MBP: variants seen among roughly 807,000 people sequenced by gnomAD.
The protein encoded by MBP is myelin basic protein.
In MBP, 16 loss-of-function variants were observed where a neutral mutation model predicts 35.8. The observed-to-expected ratio is 0.45, with a 90% confidence interval of 0.30 to 0.68. MBP has a LOEUF of 0.68. MBP is among the 30% of genes least tolerant of loss of function. MBP has a pLI of 0.08. For missense variants in MBP, 380 were observed against 404.7 expected, an observed-to-expected ratio of 0.94 and a Z score of 0.52; for synonymous variants, 143 against 159.6, an observed-to-expected ratio of 0.90 and a Z score of 0.78.
chr18:77,130,489 AAG>A (rs1456241097), intron 1 of MBP, among the ~76,000 whole-genome samples: 1 of 151,802 alleles, frequency 6.6e-6, no homozygotes, highest in African/African-American at 2.4e-5. Flanking sequence ...CCGCTCTCAA[AAG>A]AGAGTCTGGC....
intron 3 of MBP, among the ~76,000 whole-genome samples, chr18:77,056,590 C>T (rs1331153888): frequency 1.3e-5 from 2 of 152,174 alleles, no homozygotes; most frequent in Non-Finnish European, 2.9e-5. Context: ...ACCAACCGGC[C>T]TCCATCCGAT....
intron 4 of MBP, among the ~76,000 whole-genome samples, chr18:76,998,411 C>G (rs1970444902): frequency 6.6e-6 from 1 of 152,242 alleles, no homozygotes; most frequent in Non-Finnish European, 1.5e-5. Context: ...CTCATCCATT[C>G]ACCCTTCCGG....
intron 1 of MBP, among the ~76,000 whole-genome samples, chr18:77,123,970 C>G (rs1976964101): frequency 6.6e-6 from 1 of 152,222 alleles, no homozygotes; most frequent in East Asian, 1.9e-4. Context: ...TGCACGGAGT[C>G]TGCGGGTGGA....
intron 1 of MBP, among the ~76,000 whole-genome samples, chr18:77,123,909 T>C (rs929095355): frequency 6.6e-6 from 1 of 152,220 alleles, no homozygotes. Context: ...GAGTAGAGCA[T>C]TTCTCTGTCT....
chr18:77,102,035 G>C lies in MBP; in HGVS notation c.51+3176C>G, dbSNP rs770232603. 2.0e-5 allele frequency among the ~76,000 whole-genome samples: 3 copies of C among 152,210 alleles called. No individual in the cohort carries two copies. Among genetic ancestry groups the C allele is most frequent in the Non-Finnish European group, 4.4e-5 (3 of 68,030 alleles). ...TTCCCTCCTTGATATAGGAGGGGAA[G>C]AAGTCGGATGATAAACAAATCACCA... On this transcript the variant is annotated intron_variant, in intron 2 of 8. Transcript: ENST00000355994. The surrounding 1 kb of genome is among the most constrained non-coding windows in gnomAD (Gnocchi z 4.4).
At chr18:77,039,383 G>A (rs1435544989) in intron 3 of MBP, among the ~76,000 whole-genome samples, 2 of 152,230 alleles carry the variant, frequency 1.3e-5, no homozygotes, top group African/African-American at 4.8e-5. Context: ...GCCTCTAGGT[G>A]TATGAAGCCA....
At chr18:77,018,759 TCC>T (rs1971825851) in intron 3 of MBP, among the ~76,000 whole-genome samples, 1 of 144,812 alleles carries the variant, frequency 6.9e-6, no homozygotes, top group African/African-American at 2.8e-5. Flanking sequence ...CATCCATCCA[TCC>T]ATCCATCCAT....
At chr18:77,072,353 C>T (rs1232526677) in intron 2 of MBP, among the ~76,000 whole-genome samples, 1 of 152,172 alleles carries the variant, frequency 6.6e-6, no homozygotes, top group Admixed American at 6.5e-5. Context: ...CTAATTCACC[C>T]AGATATTTGC....
rs111519839 is a variant in MBP at position 77,044,356 on chromosome 18, A to G, written c.139+21942T>C. On this transcript the variant is annotated intron_variant, in intron 3 of 8. Coordinates refer to ENST00000355994, the MANE Select transcript of MBP (RefSeq NM_001025101.2). The surrounding 1 kb of genome is among the most constrained non-coding windows in gnomAD (Gnocchi z 4.4). Reference sequence around the variant, plus strand: ...TTCAGGTCCACCGTGACCTCCCCCAACTCTGCTGCAGCTGCCGTGGTGCCA... The same window carrying G: ...TTCAGGTCCACCGTGACCTCCCCCAGCTCTGCTGCAGCTGCCGTGGTGCCA... Among the ~76,000 whole-genome samples, 726 of 150,532 alleles carry G rather than the reference A, an allele frequency of 4.8e-3. 7 individuals carry two copies. Among genetic ancestry groups the G allele is most frequent in the African/African-American group, 0.017 (696 of 40,932 alleles).
intron 2 of MBP, among the ~76,000 whole-genome samples, chr18:77,090,060 C>T (rs1412579997): frequency 6.6e-6 from 1 of 152,182 alleles, no homozygotes; most frequent in East Asian, 1.9e-4. Context: ...AGGCAGCGGC[C>T]TTCTGTGCAG....
intron 2 of MBP, among the ~76,000 whole-genome samples, chr18:77,084,672 C>T (rs913582709): frequency 4.6e-5 from 7 of 152,192 alleles, no homozygotes; most frequent in African/African-American, 1.7e-4. Context: ...CATTGCAATG[C>T]AATTCCTAGA....
chr18:77,105,303 A>G lies in MBP; in HGVS notation c.-25-17T>C, dbSNP rs758670272. ...CTTCAGAGGCTAAAAGAGAAAGAGA[A>G]AGTGTCAGCCCTAAGTCTAGTGCTC... On this transcript the variant is annotated splice_polypyrimidine_tract_variant and intron_variant, in intron 1 of 8. Coordinates refer to ENST00000355994, the MANE Select transcript of MBP (RefSeq NM_001025101.2). 2.5e-5 allele frequency: 39 copies of G among 1,530,654 alleles called. 1 individual carries two copies. The highest frequency in any genetic ancestry group is 5.6e-5 in the South Asian group (5 of 89,430). The allele number at this position is 1,530,654 out of a possible 1,614,324, so 94.8% of individuals were successfully genotyped here.
At chr18:77,092,916 G>A (rs1294631355) in intron 2 of MBP, among the ~76,000 whole-genome samples, 3 of 152,144 alleles carry the variant, frequency 2.0e-5, no homozygotes, top group East Asian at 1.9e-4. Context: ...TGCGTATTTC[G>A]CTGTTTCTGA....
At chr18:76,986,078 G>T in intron 7 of MBP, 1 of 985,638 alleles carries the variant, frequency 1.0e-6, no homozygotes, top group Non-Finnish European at 1.2e-6. Flanking sequence ...GGGCGCGGTG[G>T]ACGTTAACAA....
At chr18:76,997,583 G>A (rs555722871) in intron 4 of MBP, among the ~76,000 whole-genome samples, 109 of 152,378 alleles carry the variant, frequency 7.2e-4, no homozygotes, top group Non-Finnish European at 1.3e-3. Flanking sequence ...CTTTTGTGCT[G>A]AGCACGGGAA....
intron 1 of MBP, among the ~76,000 whole-genome samples, chr18:77,126,895 T>C (rs1977068582): frequency 1.3e-5 from 2 of 152,154 alleles, no homozygotes; most frequent in African/African-American, 4.8e-5. Flanking sequence ...GAAGACCTAA[T>C]TACCCATAGA....
chr18:77,024,453 T>C (rs549892520), intron 3 of MBP, among the ~76,000 whole-genome samples: 6 of 152,260 alleles, frequency 3.9e-5, no homozygotes, highest in Non-Finnish European at 7.3e-5. Context: ...AATAAAACCA[T>C]TTAGCATGGC....
chr18:77,073,562 A>G (rs1386399423), intron 2 of MBP, among the ~76,000 whole-genome samples: 1 of 152,252 alleles, frequency 6.6e-6, no homozygotes, highest in Non-Finnish European at 1.5e-5. Context: ...AATCCTTTAG[A>G]ACTGTCAGTA....
chr18:77,041,327 G>T (rs1436748332), intron 3 of MBP, among the ~76,000 whole-genome samples: 2 of 152,136 alleles, frequency 1.3e-5, no homozygotes, highest in Admixed American at 6.5e-5. Flanking sequence ...TACACTGTTG[G>T]TGGGACTGTA....
Sources: allele counts gnomAD v4.1 joint callset (sites outside exome capture counted in the v4.1 genomes callset), GRCh38; gene constraint gnomAD v4.1.1; non-coding constraint Gnocchi (gnomAD v3.1); transcripts MANE v1.5; gene names NCBI Gene and HGNC (gene_info 2026-07-23, HGNC 2026-07-21).